The following CEP128 variants were observed in gnomAD, a reference collection of about 807,000 sequenced individuals.
CEP128 encodes the protein centrosomal protein 128kDa.
A neutral mutation model predicts 156.7 loss-of-function variants in CEP128; 132 were observed. That is an observed-to-expected ratio of 0.84 (90% CI 0.73 to 0.97). CEP128 has a LOEUF of 0.97. Ranked by LOEUF, CEP128 falls within the 50% of genes least tolerant of loss-of-function variation. The pLI is 0.00. For missense variants in CEP128, 1,252 were observed against 1,281.9 expected (o/e 0.98, Z 0.36); for synonymous variants, 469 against 448.9 (o/e 1.04, Z -0.57).
chr14:80,903,254 G>A (rs2139434503), intron 6 of CEP128, among the ~76,000 whole-genome samples: 1 of 152,200 alleles, frequency 6.6e-6, no homozygotes, highest in African/African-American at 2.4e-5. Flanking sequence ...CACACAATGG[G>A]GAAAGGATAG....
chr14:80,515,523 G>T (rs1213067327), intron 23 of CEP128, among the ~76,000 whole-genome samples: 1 of 151,946 alleles, frequency 6.6e-6, no homozygotes, highest in African/African-American at 2.4e-5. Context: ...ACCGATGTTC[G>T]CTCAAACAAC....
chr14:80,747,768 T>C (rs148310797), intron 18 of CEP128, among the ~76,000 whole-genome samples: 29 of 152,204 alleles, frequency 1.9e-4, no homozygotes, highest in African/African-American at 6.5e-4. Context: ...AATCACACCA[T>C]TGCGCTCCAG....
intron 14 of CEP128, among the ~76,000 whole-genome samples, chr14:80,479,995 T>C (rs971902470): frequency 4.6e-5 from 7 of 152,222 alleles, no homozygotes; most frequent in Admixed American, 4.6e-4. Context: ...AAGAGGTGTG[T>C]TGCCATGGTC....
Position 80,856,026 on chromosome 14 carries a change from G to A in CEP128, c.762+6731C>T, listed in dbSNP as rs995616973. 2.6e-5 allele frequency among the ~76,000 whole-genome samples: 4 copies of A among 152,160 alleles called. No homozygotes were observed. In the East Asian group the frequency reaches 7.7e-4, roughly 29 times the overall value. On this transcript the variant is annotated intron_variant, in intron 9 of 24. Transcript: ENST00000555265. ...AAATGAATAGCTACTTCTTCATTAG[G>A]TTTTTCCAAAAAAATGAAGAAAAAT... is the stretch of plus-strand genomic sequence containing the variant.
At chr14:80,547,533 G>A (rs896956495) in intron 21 of CEP128, among the ~76,000 whole-genome samples, 1 of 152,138 alleles carries the variant, frequency 6.6e-6, no homozygotes, top group East Asian at 1.9e-4. Flanking sequence ...CTTGAATAGG[G>A]TGAGGGGTAT....
chr14:80,769,868 T>G (rs987523320), intron 16 of CEP128, among the ~76,000 whole-genome samples: 1 of 152,182 alleles, frequency 6.6e-6, no homozygotes, highest in African/African-American at 2.4e-5. Flanking sequence ...GACATTCACT[T>G]TATGTTTCCT....
At chr14:80,690,507 C>T (rs148957902) in intron 19 of CEP128, among the ~76,000 whole-genome samples, 5 of 151,542 alleles carry the variant, frequency 3.3e-5, no homozygotes, top group Admixed American at 6.6e-5. Context: ...TAGGTGCTGG[C>T]GTGGATAAAT....
rs778910327 is a variant in CEP128 at position 80,792,995 on chromosome 14, A to AG, written c.1324dup (p.Leu442ProfsTer18). 2.7e-5 allele frequency: 43 copies of AG among 1,614,074 alleles called. No individual in the cohort carries two copies. In the South Asian group the frequency reaches 4.0e-4, roughly 15 times the overall value. ...ATGGCGAGTCAGCTCTGAGATCTGA[A>AG]GGTCAGCATGCTTACGCTCGGCCTC... On this transcript the variant is annotated frameshift_variant, in exon 14 of 25. Coordinates refer to ENST00000555265, the MANE Select transcript of CEP128 (RefSeq NM_152446.5). LOFTEE classifies it high-confidence loss of function.
intron 19 of CEP128, among the ~76,000 whole-genome samples, chr14:80,726,834 T>G (rs986132612): frequency 2.0e-5 from 3 of 152,182 alleles, no homozygotes; most frequent in African/African-American, 7.2e-5. Context: ...GAGTACATAA[T>G]TATTAATATT....
chr14:80,756,692 T>A (rs1899676209), intron 18 of CEP128, among the ~76,000 whole-genome samples, 200 bp downstream of exon 18: 1 of 152,186 alleles, frequency 6.6e-6, no homozygotes, highest in Non-Finnish European at 1.5e-5. Context: ...TCTCTCTTTC[T>A]AGGCCTACAT....
In CEP128 at chr14:80,569,880, A is replaced by G. The variant is rs565203118; in HGVS notation, c.2856+10494T>C. On this transcript the variant is annotated intron_variant, in intron 20 of 24. Transcript: ENST00000555265. Reference sequence around the variant, plus strand: ...AGAGGTAACATTTGAGCTGAAACCTAAAAGAAGGAAATGAGCCAGCCACTG... The same window carrying G: ...AGAGGTAACATTTGAGCTGAAACCTGAAAGAAGGAAATGAGCCAGCCACTG... Among the ~76,000 whole-genome samples, 69 of 152,326 alleles carry G rather than the reference A, an allele frequency of 4.5e-4. No individual in the cohort carries two copies. The South Asian group carries it at 6.8e-3, about 15-fold the overall frequency.
chr14:80,736,238 T>A (rs1898522757), intron 19 of CEP128, among the ~76,000 whole-genome samples: 1 of 140,562 alleles, frequency 7.1e-6, no homozygotes, highest in Admixed American at 7.5e-5. Flanking sequence ...TGTTTTAAGG[T>A]AGCTCTAATA....
At chr14:80,603,294 C>T (rs942997756) in intron 19 of CEP128, among the ~76,000 whole-genome samples, 2 of 152,124 alleles carry the variant, frequency 1.3e-5, no homozygotes, top group African/African-American at 2.4e-5. Flanking sequence ...ATGGTCAGAA[C>T]AGGCAAATCC....
intron 9 of CEP128, among the ~76,000 whole-genome samples, chr14:80,861,920 A>T (rs1051838710): frequency 5.3e-5 from 8 of 152,282 alleles, no homozygotes; most frequent in African/African-American, 1.9e-4. Context: ...TCTGCAAATT[A>T]AAAATGTTTC....
At chr14:80,830,928 C>A in intron 13 of CEP128, 1 of 464,656 alleles carries the variant, frequency 2.2e-6, no homozygotes, top group Non-Finnish European at 3.8e-6. Context: ...AAAGGAAAAT[C>A]ATCCAGGTTC....
At chr14:80,703,544 G>A (rs2077711419) in intron 19 of CEP128, among the ~76,000 whole-genome samples, 1 of 151,670 alleles carries the variant, frequency 6.6e-6, no homozygotes, top group Non-Finnish European at 1.5e-5. Context: ...TTTTAACTAT[G>A]TTTCCTATCT....
intron 19 of CEP128, among the ~76,000 whole-genome samples, chr14:80,722,976 G>A (rs1390554510): frequency 2.0e-5 from 3 of 151,768 alleles, no homozygotes; most frequent in African/African-American, 7.3e-5. Context: ...ACAGGCACCC[G>A]CCACCACACC....
chr14:80,858,057 T>C (rs1429742199), intron 9 of CEP128, among the ~76,000 whole-genome samples: 1 of 152,124 alleles, frequency 6.6e-6, no homozygotes, highest in Non-Finnish European at 1.5e-5. Flanking sequence ...TTAAAGTTCA[T>C]ATGGAACCAA....
chr14:80,531,579 G>A (rs1335654923), intron 21 of CEP128, among the ~76,000 whole-genome samples: 2 of 152,166 alleles, frequency 1.3e-5, no homozygotes, highest in Non-Finnish European at 2.9e-5. Flanking sequence ...CTTGAGACTA[G>A]AGACTGCATA....
Sources: gnomAD v4.1 joint callset for allele counts (sites outside exome capture counted in the v4.1 genomes callset) on GRCh38, gnomAD v4.1.1 for gene constraint, MANE v1.5 for transcripts, NCBI Gene and HGNC (gene_info 2026-07-23, HGNC 2026-07-21) for gene names.